The following MYOCOS variants were observed in gnomAD, a reference collection of about 807,000 sequenced individuals.
MYOCOS encodes the protein myocilin opposite strand protein.
At chr1:171,621,534 C>T (rs188159252), upstream of MYOCOS, among the ~76,000 whole-genome samples, 244 of 152,062 alleles carry the variant, frequency 1.6e-3, 1 homozygote, top group African/African-American at 5.6e-3. Context: ...CGCCACCACG[C>T]CTGGCTAATT....
chr1:171,624,651 C>A (rs1350398514), intron 2 of MYOCOS, among the ~76,000 whole-genome samples: 1 of 151,970 alleles, frequency 6.6e-6, no homozygotes, highest in Non-Finnish European at 1.5e-5. Context: ...GGGGTTTCAC[C>A]ATTCACAGGA....
intron 1 of MYOCOS, among the ~76,000 whole-genome samples, chr1:171,613,823 C>A (rs1461018379): frequency 2.0e-5 from 3 of 152,150 alleles, no homozygotes; most frequent in African/African-American, 7.2e-5. Context: ...GTGTGAGCCA[C>A]CACACCTAAA....
chr1:171,621,924 C>A (rs1304672210), upstream of MYOCOS, among the ~76,000 whole-genome samples: 1 of 151,972 alleles, frequency 6.6e-6, no homozygotes, highest in Non-Finnish European at 1.5e-5. Context: ...TTTTCTCAAC[C>A]CTCACAACTG....
In MYOCOS at chr1:171,622,314, C is replaced by T. The variant is rs960105662; in HGVS notation, c.-62C>T. The T allele has an allele frequency of 6.6e-6, 1 of 152,158 alleles. No homozygotes were observed. Among genetic ancestry groups the T allele is most frequent in the Non-Finnish European group, 1.5e-5 (1 of 68,054 alleles). 9.4% of individuals were successfully genotyped at this position (152,158 alleles called of 1,614,324 possible). ...CCCTGCGACATCTGTGGAGATTTCT[C>T]AAGGACACGGCTCCAGGGGTAATTT... On this transcript the variant is annotated 5_prime_UTR_variant, in exon 1 of 3. Transcript: ENST00000637642.
chr1:171,601,738 T>G (rs145985142), intron 1 of MYOCOS, among the ~76,000 whole-genome samples: 4 of 152,166 alleles, frequency 2.6e-5, no homozygotes, highest in African/African-American at 9.6e-5. Context: ...TTTCCGTACA[T>G]AGACAGTTAC....
intron 1 of MYOCOS, among the ~76,000 whole-genome samples, chr1:171,610,549 A>G (rs190198): frequency 0.15 from 23,209 of 152,248 alleles, 1,858 homozygotes; most frequent in Middle Eastern, 0.29. Context: ...ACATGGCAGA[A>G]GGACAAGTGA....
intron 1 of MYOCOS, among the ~76,000 whole-genome samples, chr1:171,622,577 G>C (rs975942794): frequency 1.3e-5 from 2 of 152,196 alleles, no homozygotes; most frequent in Admixed American, 1.3e-4. Context: ...ATGCTAAGCT[G>C]ACCTGGGACT....
chr1:171,617,910 A>C (rs1305419331), upstream of MYOCOS, among the ~76,000 whole-genome samples: 1 of 152,300 alleles, frequency 6.6e-6, no homozygotes, highest in South Asian at 2.1e-4. Context: ...AAAGAGTGCC[A>C]ATAGTTCATC....
chr1:171,603,769 A>C (rs1487158605), intron 1 of MYOCOS, among the ~76,000 whole-genome samples: 1 of 152,246 alleles, frequency 6.6e-6, no homozygotes, highest in African/African-American at 2.4e-5. Context: ...CCAGTGGCCT[A>C]TCTCTCAAAA....
intron 1 of MYOCOS, among the ~76,000 whole-genome samples, chr1:171,605,720 TA>T (rs200926877): frequency 9.9e-4 from 146 of 147,502 alleles, no homozygotes; most frequent in African/African-American, 2.6e-3. Context: ...ATGACCTCCT[TA>T]AAAAAAAAAA....
intron 1 of MYOCOS, among the ~76,000 whole-genome samples, chr1:171,603,683 C>A (rs1345511456): frequency 6.6e-6 from 1 of 152,216 alleles, no homozygotes; most frequent in Admixed American, 6.5e-5. Flanking sequence ...TGAAAAAACT[C>A]TTTACACTCT....
chr1:171,607,397 T>C (rs1379190538), intron 1 of MYOCOS, among the ~76,000 whole-genome samples: 2 of 152,198 alleles, frequency 1.3e-5, no homozygotes, highest in Non-Finnish European at 2.9e-5. Flanking sequence ...CCATTGTTTC[T>C]CTCTCCCACT....
At chr1:171,604,252 G>T (rs181221741) in intron 1 of MYOCOS, 1 of 152,230 alleles carries the variant, frequency 6.6e-6, no homozygotes, top group Non-Finnish European at 1.5e-5. Flanking sequence ...GTCCATGCAC[G>T]GCCGAAGCGT....
At chr1:171,602,881 C>A (rs145667330) in intron 1 of MYOCOS, among the ~76,000 whole-genome samples, 2 of 152,088 alleles carry the variant, frequency 1.3e-5, no homozygotes, top group African/African-American at 4.8e-5. Context: ...GCAATTAAGA[C>A]GGCATACCAA....
upstream of MYOCOS, among the ~76,000 whole-genome samples, chr1:171,619,834 A>G (rs1441773715): frequency 1.3e-5 from 2 of 151,204 alleles, no homozygotes; most frequent in Non-Finnish European, 2.9e-5. Flanking sequence ...CCATCTCAAA[A>G]AAAAAAAAAA....
chr1:171,621,461 C>T (rs1184794294), upstream of MYOCOS, among the ~76,000 whole-genome samples: 8 of 149,724 alleles, frequency 5.3e-5, no homozygotes, highest in Admixed American at 2.0e-4. Flanking sequence ...CTGCAAGCTC[C>T]GCCTCCCGGG....
intron 1 of MYOCOS, among the ~76,000 whole-genome samples, chr1:171,613,009 C>T (rs1007425811): frequency 6.6e-6 from 1 of 152,162 alleles, no homozygotes; most frequent in Non-Finnish European, 1.5e-5. Context: ...TTATTTCTAG[C>T]CTTCATGTGT....
At chr1:171,605,010 C>G (rs1000871081) in intron 1 of MYOCOS, among the ~76,000 whole-genome samples, 6 of 152,158 alleles carry the variant, frequency 3.9e-5, no homozygotes, top group African/African-American at 1.4e-4. Flanking sequence ...TTCAAAGATG[C>G]TCTCCAGAAC....
intron 1 of MYOCOS, among the ~76,000 whole-genome samples, chr1:171,601,801 A>T (rs1652147246): frequency 6.6e-6 from 1 of 152,194 alleles, no homozygotes; most frequent in Non-Finnish European, 1.5e-5. Flanking sequence ...ACAGCAGCAT[A>T]AGCGGCTGGC....
Sources: gnomAD v4.1 joint callset for allele counts (sites outside exome capture counted in the v4.1 genomes callset) on GRCh38, gnomAD v4.1.1 for gene constraint, MANE v1.5 for transcripts, NCBI Gene and HGNC (gene_info 2026-07-23, HGNC 2026-07-21) for gene names.